Variants in PTPN12 observed in about 807,000 individuals in gnomAD.
PTPN12 encodes the protein tyrosine-protein phosphatase non-receptor type 12.
A neutral mutation model predicts 97.6 loss-of-function variants in PTPN12; 29 were observed. The observed-to-expected ratio is 0.30, with a 90% CI of 0.22 to 0.41. The LOEUF is 0.41. Ranked by LOEUF, PTPN12 falls within the 10% of genes least tolerant of loss-of-function variation. The probability of loss-of-function intolerance (pLI) is 1.00; values close to 1 mark genes in which losing one functional copy is unlikely to be tolerated. For synonymous variants in PTPN12, 327 were observed against 300.4 expected (o/e 1.09, Z -0.91); for missense variants, 819 against 926.0 (o/e 0.88, Z 1.50).
At chr7:77,582,944 T>C (rs1358262434) in intron 3 of PTPN12, among the ~76,000 whole-genome samples, 1 of 152,200 alleles carries the variant, frequency 6.6e-6, no homozygotes, top group Non-Finnish European at 1.5e-5. Flanking sequence ...TCAGATGTTG[T>C]CAATGTTCAT....
intron 12 of PTPN12, among the ~76,000 whole-genome samples, chr7:77,625,472 G>GGTCGCGCGCGCT (rs1789108176): frequency 3.0e-5 from 1 of 33,522 alleles, no homozygotes; most frequent in Non-Finnish European, 5.0e-5. Flanking sequence ...CAGGCTGCTC[G>GGTCGCGCGCGCT]CTCTCTCTCT....
chr7:77,563,881 T>G (rs1808107053), intron 1 of PTPN12: 1 of 392,100 alleles, frequency 2.6e-6, no homozygotes, highest in Non-Finnish European at 5.1e-6. Context: ...TTTGGTTATT[T>G]TAGCTGCTTA....
intron 14 of PTPN12, among the ~76,000 whole-genome samples, 195 bp from the exon 15 acceptor site, chr7:77,635,587 G>C (rs940396896): frequency 2.0e-5 from 3 of 150,092 alleles, no homozygotes; most frequent in Non-Finnish European, 4.4e-5. Flanking sequence ...GAAGGAAACA[G>C]AATGTTCTCG....
intron 15 of PTPN12, 74 bp downstream of exon 15, chr7:77,635,923 G>A: frequency 4.2e-6 from 4 of 959,168 alleles, no homozygotes; most frequent in Middle Eastern, 2.2e-4. Context: ...TGCAGTTGTT[G>A]AAATAGCTGT....
At chr7:77,624,621 A>G (rs952998341) in intron 12 of PTPN12, among the ~76,000 whole-genome samples, 1 of 151,610 alleles carries the variant, frequency 6.6e-6, no homozygotes, top group Non-Finnish European at 1.5e-5. Context: ...TTGTGTTTTT[A>G]GTAGAGACGG....
intron 14 of PTPN12, among the ~76,000 whole-genome samples, chr7:77,633,283 C>A (rs1268720936): frequency 2.0e-5 from 3 of 146,798 alleles, no homozygotes; most frequent in African/African-American, 7.6e-5. Context: ...AAAAAAAATG[C>A]AATTATAAGT....
chr7:77,630,342 T>G (rs1466347222), intron 13 of PTPN12, among the ~76,000 whole-genome samples: 4 of 152,226 alleles, frequency 2.6e-5, no homozygotes, highest in Non-Finnish European at 5.9e-5. Context: ...CACACATTTC[T>G]TAATGGCAGG....
chr7:77,587,849 TC>T (rs1473001532), intron 5 of PTPN12, among the ~76,000 whole-genome samples: 2 of 152,252 alleles, frequency 1.3e-5, no homozygotes, highest in African/African-American at 4.8e-5. Context: ...TGGTGCTTCA[TC>T]TCGCACTTTT....
chr7:77,548,006 A>G (rs962354132), intron 1 of PTPN12, among the ~76,000 whole-genome samples: 2 of 152,210 alleles, frequency 1.3e-5, no homozygotes, highest in South Asian at 2.1e-4. Flanking sequence ...TTGATGTTCC[A>G]TTATTATGGC....
chr7:77,604,905 A>G, intron 8 of PTPN12: 1 of 434,316 alleles, frequency 2.3e-6, no homozygotes, highest in South Asian at 1.6e-5. Context: ...CACTTACTGA[A>G]CGGTCTGATC....
chr7:77,588,478 C>T (rs563193291), intron 5 of PTPN12, among the ~76,000 whole-genome samples: 4 of 152,292 alleles, frequency 2.6e-5, no homozygotes, highest in Non-Finnish European at 1.5e-5. Context: ...TAACTTCAAA[C>T]ATCACTGATC....
chr7:77,549,076 G>T (rs909109475), intron 1 of PTPN12, among the ~76,000 whole-genome samples: 3 of 152,118 alleles, frequency 2.0e-5, no homozygotes, highest in Non-Finnish European at 4.4e-5. Flanking sequence ...GACTAGAATT[G>T]CTACATCTTG....
chr7:77,547,073 A>G (rs12113982), intron 1 of PTPN12, among the ~76,000 whole-genome samples: 40,363 of 152,100 alleles, frequency 0.27, 5,442 homozygotes, highest in Non-Finnish European at 0.28. Flanking sequence ...TTAAAAAGCT[A>G]TTTTAACAAC....
At chr7:77,613,496 G>C (rs1268171681) in intron 11 of PTPN12, among the ~76,000 whole-genome samples, 1 of 151,820 alleles carries the variant, frequency 6.6e-6, no homozygotes, top group Non-Finnish European at 1.5e-5. Flanking sequence ...TAATTGAAAA[G>C]CATTTCTGTT....
chr7:77,576,794 C>A (rs544657660), intron 2 of PTPN12, among the ~76,000 whole-genome samples: 1 of 152,290 alleles, frequency 6.6e-6, no homozygotes, highest in South Asian at 2.1e-4. Context: ...TTAATGGTGG[C>A]CCAAAATCAT....
intron 1 of PTPN12, among the ~76,000 whole-genome samples, chr7:77,543,537 G>A (rs1243258619): frequency 6.6e-6 from 1 of 151,974 alleles, no homozygotes; most frequent in Non-Finnish European, 1.5e-5. Context: ...TGAGATATAA[G>A]TACCTACCAT....
At chr7:77,538,545 C>T (rs1806783912) in intron 1 of PTPN12, among the ~76,000 whole-genome samples, 2 of 151,856 alleles carry the variant, frequency 1.3e-5, no homozygotes, top group Non-Finnish European at 2.9e-5. Context: ...CCCCCCGCCT[C>T]CGCCACCCCC....
chr7:77,548,871 G>T (rs1451214286), intron 1 of PTPN12, among the ~76,000 whole-genome samples: 2 of 152,100 alleles, frequency 1.3e-5, no homozygotes, highest in African/African-American at 4.8e-5. Context: ...GTCTTTCTAT[G>T]GTTTTCAAGT....
rs1789617639 is a variant in PTPN12 at position 77,637,026 on chromosome 7, A to T, written c.2151A>T (p.Ile717=). Residue 717 remains isoleucine (I), a synonymous_variant, in exon 16 of 18, where the codon ATA becomes ATT. Transcript: ENST00000248594. ...AAATGTCTTCCTCGTAGGGCTTGAT[A>T]ACCTCTGAAAATGAGAAATGTGGTA... The part of the protein sequence containing the change: ...RSEQKKSEGL[I]TSENEKCDHP... 2 of 1,607,396 alleles carry T rather than the reference A, an allele frequency of 1.2e-6. No individual in the cohort carries two copies. Among genetic ancestry groups the T allele is most frequent in the African/African-American group, 1.3e-5 (1 of 74,760 alleles).
Sources: gnomAD v4.1 joint callset for allele counts (sites outside exome capture counted in the v4.1 genomes callset) on GRCh38, gnomAD v4.1.1 for gene constraint, MANE v1.5 for transcripts, NCBI Gene and HGNC (gene_info 2026-07-23, HGNC 2026-07-21) for gene names.